Variants in PTPRM observed in about 807,000 individuals in gnomAD.
The protein encoded by PTPRM is receptor-type tyrosine-protein phosphatase mu.
Under a neutral mutation model 186.7 loss-of-function variants are expected in PTPRM, and 47 were observed. The ratio of observed to expected loss-of-function variants is 0.25; its 90% CI spans 0.20 to 0.32. The LOEUF (loss-of-function observed/expected upper bound fraction) is 0.32, where lower values mean the gene tolerates loss of function less well. Ranked by LOEUF, PTPRM falls within the 10% of genes least tolerant of loss-of-function variation. PTPRM has a pLI of 1.00. For synonymous variants in PTPRM, 668 were observed against 674.9 expected, an observed-to-expected ratio of 0.99 and a Z score of 0.16; for missense variants, 1,494 against 1,865.0, an observed-to-expected ratio of 0.80 and a Z score of 3.66.
intron 14 of PTPRM, among the ~76,000 whole-genome samples, chr18:8,170,441 A>AT (rs896929225): frequency 1.5e-4 from 23 of 150,876 alleles, no homozygotes; most frequent in Middle Eastern, 3.2e-3. Context: ...TTAAAGCTTC[A>AT]TTTTACCATT....
intron 14 of PTPRM, among the ~76,000 whole-genome samples, chr18:8,218,341 T>C (rs892363608): frequency 3.3e-5 from 5 of 151,688 alleles, no homozygotes; most frequent in Non-Finnish European, 7.4e-5. Flanking sequence ...GCACTAAATG[T>C]CAGTTTTGTC....
At chr18:8,178,746 C>A (rs1488812937) in intron 14 of PTPRM, among the ~76,000 whole-genome samples, 2 of 152,160 alleles carry the variant, frequency 1.3e-5, no homozygotes, top group Non-Finnish European at 2.9e-5. Flanking sequence ...AAGATCGCAT[C>A]ACTGCCCTCC....
At chr18:7,792,733 C>T (rs535250961) in intron 2 of PTPRM, among the ~76,000 whole-genome samples, 6 of 152,208 alleles carry the variant, frequency 3.9e-5, no homozygotes, top group East Asian at 1.9e-4. Context: ...GGTGCGATCA[C>T]GGCTTACTGC....
chr18:7,744,809 A>G, intron 1 of PTPRM, among the ~76,000 whole-genome samples: 1 of 152,142 alleles, frequency 6.6e-6, no homozygotes, highest in South Asian at 2.1e-4. Flanking sequence ...TATTGTTTGC[A>G]GTTCAAATAT....
At chr18:7,700,677 T>C (rs371150908) in intron 1 of PTPRM, among the ~76,000 whole-genome samples, 2 of 152,168 alleles carry the variant, frequency 1.3e-5, no homozygotes, top group South Asian at 4.1e-4. Flanking sequence ...GATGAAACTT[T>C]CTGGTGAATA....
intron 2 of PTPRM, among the ~76,000 whole-genome samples, chr18:7,873,791 A>C (rs924210874): frequency 6.6e-6 from 1 of 152,216 alleles, no homozygotes; most frequent in Non-Finnish European, 1.5e-5. Flanking sequence ...CATGATCATT[A>C]ATAAATTAAA....
chr18:7,970,966 G>A (rs1187002971), intron 7 of PTPRM, among the ~76,000 whole-genome samples: 1 of 83,892 alleles, frequency 1.2e-5, no homozygotes, highest in East Asian at 2.7e-4. Flanking sequence ...CTACTTTAAA[G>A]TTCATATGGA....
At chr18:8,053,764 G>A (rs760612226) in intron 7 of PTPRM, among the ~76,000 whole-genome samples, 1 of 152,074 alleles carries the variant, frequency 6.6e-6, no homozygotes, top group Non-Finnish European at 1.5e-5. Context: ...ACCACATTGA[G>A]TCTGCCCATT....
intron 14 of PTPRM, among the ~76,000 whole-genome samples, chr18:8,189,869 T>C (rs1166114750): frequency 6.6e-6 from 1 of 152,256 alleles, no homozygotes; most frequent in African/African-American, 2.4e-5. Context: ...TTAAAATTCT[T>C]AGAAATACAT....
intron 1 of PTPRM, among the ~76,000 whole-genome samples, chr18:7,723,605 C>T (rs1311968860): frequency 1.3e-5 from 2 of 152,094 alleles, no homozygotes; most frequent in Non-Finnish European, 2.9e-5. Flanking sequence ...GTGCTAGAAC[C>T]GTGTAAGTTT....
At chr18:8,173,681 G>T (rs921074061) in intron 14 of PTPRM, among the ~76,000 whole-genome samples, 1 of 152,228 alleles carries the variant, frequency 6.6e-6, no homozygotes, top group African/African-American at 2.4e-5. Context: ...GCAGGCCAGA[G>T]AGTCTGCTTC....
At chr18:8,288,873 T>C (rs1000170948) in intron 19 of PTPRM, among the ~76,000 whole-genome samples, 3 of 152,192 alleles carry the variant, frequency 2.0e-5, no homozygotes, top group African/African-American at 7.2e-5. Context: ...AGGGTGTTCA[T>C]ACTCACATCA....
At chr18:7,743,384 G>A (rs906606134) in intron 1 of PTPRM, among the ~76,000 whole-genome samples, 5 of 152,284 alleles carry the variant, frequency 3.3e-5, no homozygotes, top group Admixed American at 6.5e-5. Flanking sequence ...TTTAAATGGA[G>A]TCTTTCACAA....
At chr18:7,817,001 G>T (rs1160755483) in intron 2 of PTPRM, among the ~76,000 whole-genome samples, 9 of 149,474 alleles carry the variant, frequency 6.0e-5, no homozygotes, top group Admixed American at 3.3e-4. Context: ...TTGAGATGGG[G>T]TCTCACTCTG....
intron 4 of PTPRM, among the ~76,000 whole-genome samples, chr18:7,908,731 C>G (rs1201279671): frequency 6.6e-6 from 1 of 152,176 alleles, no homozygotes; most frequent in Non-Finnish European, 1.5e-5. Context: ...CTGTCCCCTC[C>G]CATTTCATGA....
intron 2 of PTPRM, among the ~76,000 whole-genome samples, chr18:7,818,628 C>T (rs772569118): frequency 2.8e-4 from 42 of 152,214 alleles, no homozygotes; most frequent in Non-Finnish European, 4.6e-4. Flanking sequence ...GCTATGATAT[C>T]TTGGGGCAGC....
chr18:8,366,522 T>C (rs2095630414), intron 23 of PTPRM, among the ~76,000 whole-genome samples: 1 of 152,254 alleles, frequency 6.6e-6, no homozygotes, highest in African/African-American at 2.4e-5. Context: ...CTCTGGCCCC[T>C]AGCCATCCTC....
chr18:7,585,645 A>G (rs942160732), intron 1 of PTPRM, among the ~76,000 whole-genome samples: 4 of 151,928 alleles, frequency 2.6e-5, no homozygotes, highest in African/African-American at 9.7e-5. Flanking sequence ...CTTTTCCCTC[A>G]TCTATCTCCC....
chr18:8,108,144 T>C (rs1335366992), intron 11 of PTPRM, among the ~76,000 whole-genome samples: 1 of 152,194 alleles, frequency 6.6e-6, no homozygotes. Context: ...ATTTTCATTT[T>C]CTTTCATCTC....
Sources: gnomAD v4.1 joint callset for allele counts (sites outside exome capture counted in the v4.1 genomes callset) on GRCh38, gnomAD v4.1.1 for gene constraint, MANE v1.5 for transcripts, NCBI Gene and HGNC (gene_info 2026-07-23, HGNC 2026-07-21) for gene names.